The following YY1AP1 variants were observed in gnomAD, a reference collection of about 807,000 sequenced individuals.
The protein encoded by YY1AP1 is YY1 associated protein 1.
Under a neutral mutation model 39.9 loss-of-function variants are expected in YY1AP1, and 43 were observed. The observed-to-expected ratio is 1.08, with a 90% confidence interval of 0.84 to 1.39. The LOEUF is 1.39. Ranked by LOEUF, YY1AP1 falls within the 40% of genes most tolerant of loss-of-function variation. YY1AP1 has a pLI of 0.00. For synonymous variants in YY1AP1, 292 were observed against 331.3 expected (o/e 0.88, Z 1.29); for missense variants, 813 against 900.7 (o/e 0.90, Z 1.25).
At chr1:155,668,869 C>G (rs2149039802) in intron 8 of YY1AP1, 92 bp from the exon 9 acceptor site, 1 of 1,577,688 alleles carries the variant, frequency 6.3e-7, no homozygotes. Context: ...TCTACTTTTT[C>G]TTACTTGTTC....
chr1:155,672,061 C>A (rs1042682756), intron 7 of YY1AP1, among the ~76,000 whole-genome samples: 1 of 152,174 alleles, frequency 6.6e-6, no homozygotes, highest in Non-Finnish European at 1.5e-5. Flanking sequence ...AAATACTGAA[C>A]ACGGCAAATG....
At position 155,660,774 on chromosome 1, in the gene YY1AP1, C is replaced by T. The variant is rs748756201; in HGVS notation, c.1136G>A (p.Arg379Gln). 6 of 1,614,164 alleles carry T rather than the reference C, an allele frequency of 3.7e-6. No individual in the cohort carries two copies. The highest frequency in any genetic ancestry group is 2.2e-5 in the East Asian group (1 of 44,886). Reference protein sequence around the residue: ...KDNSELGSETRYPLLLPKGVV... With the variant: ...KDNSELGSETQYPLLLPKGVV... ...ACCCTTAGGCAATAGCAGTGGGTACCGAGTTTCACTCCCCAACTCTGAGTT... is the reference window on the plus strand; with the variant it reads ...ACCCTTAGGCAATAGCAGTGGGTACTGAGTTTCACTCCCCAACTCTGAGTT... Residue 379 changes from arginine to glutamine, a missense_variant, in exon 11 of 11, where the codon CGG becomes CAG. Transcript: ENST00000355499.
At chr1:155,685,023 A>T (rs1652026880) in intron 2 of YY1AP1, among the ~76,000 whole-genome samples, 1 of 152,210 alleles carries the variant, frequency 6.6e-6, no homozygotes, top group Non-Finnish European at 1.5e-5. Flanking sequence ...TGACATTAAG[A>T]CCTTTTTACA....
intron 2 of YY1AP1, among the ~76,000 whole-genome samples, chr1:155,686,822 C>T (rs1007523512): frequency 3.3e-5 from 5 of 152,098 alleles, no homozygotes; most frequent in African/African-American, 1.2e-4. Context: ...GTTCCACATA[C>T]ATATCTGACA....
intron 10 of YY1AP1, 142 bp from the exon 11 acceptor site, chr1:155,661,055 G>C: frequency 6.7e-7 from 1 of 1,497,030 alleles, no homozygotes; most frequent in East Asian, 2.4e-5. Context: ...AAAGACCACA[G>C]TCCAATTATA....
chr1:155,685,963 T>A (rs143668979), intron 2 of YY1AP1, among the ~76,000 whole-genome samples: 71 of 151,958 alleles, frequency 4.7e-4, no homozygotes, highest in African/African-American at 1.2e-3. Context: ...TTGGCTTAGT[T>A]CATGCATTCT....
chr1:155,670,484 T>G lies in YY1AP1; in HGVS notation c.584-20A>C, dbSNP rs896043335. On this transcript the variant is annotated intron_variant, in intron 7 of 10. Transcript: ENST00000355499. ...CATTGGCTATAAGAAAATAAATCTC[T>G]GATAAATCAACTTCTAGGAAAAAAG... 15 of 1,613,010 alleles carry G rather than the reference T, an allele frequency of 9.3e-6. No individual in the cohort carries two copies. Among genetic ancestry groups the G allele is most frequent in the Middle Eastern group, 1.6e-4 (1 of 6,082 alleles).
Position 155,660,909 on chromosome 1 carries a change from C to A in YY1AP1, c.1001G>T (p.Ser334Ile), listed in dbSNP as rs778268935. ...EHRLPFWLKASLPSIQEELRH... is the reference protein window; with the variant it reads ...EHRLPFWLKAILPSIQEELRH... ...CAGTTCTTCCTGGATGGATGGCAGA[C>A]TGGCCTATTGGAAATGAGAACACTC... Residue 334 changes from serine (S) to isoleucine (I), a missense_variant, in exon 11 of 11, where the codon AGT (serine) becomes ATT (isoleucine). Physicochemically the swap from Ser to Ile is moderately radical, Grantham distance 142. Around this residue, in one of 3 missense-constraint regions of YY1AP1, gnomAD observed 586 missense variants for 647.4 expected, o/e 0.91. Coordinates refer to ENST00000355499, the MANE Select transcript of YY1AP1 (RefSeq NM_139119.3). 4.3e-6 allele frequency: 7 copies of A among 1,614,042 alleles called. No homozygotes were observed. Among genetic ancestry groups the A allele is most frequent in the African/African-American group, 1.3e-5 (1 of 74,918 alleles).
In YY1AP1 at chr1:155,672,572, C is replaced by G. The variant is rs765344127; in HGVS notation, c.571G>C (p.Val191Leu). The change falls in exon 7 of 11, where the codon GTC becomes CTC. Residue 191 changes from valine to leucine, a missense_variant. Around this residue, in one of 3 missense-constraint regions of YY1AP1, gnomAD observed 31 missense variants for 63.7 expected, o/e 0.49. Transcript: ENST00000355499. ...VSIDCSPHKT[V>L]KKTANEFPCL... ...ATCTGTCTCCTACCAGTCTTCTTGA[C>G]AGTTTTATGAGGGCTGCAGTCAATG... is the stretch of plus-strand genomic sequence containing the variant. 6.2e-7 allele frequency: 1 copy of G among 1,611,902 alleles called. No individual in the cohort carries two copies. The highest frequency in any genetic ancestry group is 1.7e-5 in the Admixed American group (1 of 59,736).
chr1:155,669,690 T>G (rs1311312204), intron 8 of YY1AP1, among the ~76,000 whole-genome samples: 3 of 152,190 alleles, frequency 2.0e-5, no homozygotes. Context: ...ATATACATAT[T>G]TGCTGTTAAC....
At position 155,680,432 on chromosome 1, in the gene YY1AP1, T is replaced by TC; in HGVS notation, c.4dup (p.Glu2GlyfsTer5). 3 of 1,613,644 alleles carry TC rather than the reference T, an allele frequency of 1.9e-6. No homozygotes were observed. The highest frequency in any genetic ancestry group is 2.5e-6 in the Non-Finnish European group (3 of 1,179,712). ...ATTACTCACAGTTTCAAACAGATCT[T>TC]CCATCAGCTCATTTGCTTCCTTTTC... On this transcript the variant is annotated frameshift_variant, in exon 3 of 11. Coordinates refer to ENST00000355499, the MANE Select transcript of YY1AP1 (RefSeq NM_139119.3). LOFTEE classifies it high-confidence loss of function.
At chr1:155,688,394 A>T (rs762595463) in intron 1 of YY1AP1, 193 bp from the exon 2 acceptor site, 1 of 1,540,922 alleles carries the variant, frequency 6.5e-7, no homozygotes, top group Non-Finnish European at 8.8e-7. Flanking sequence ...GCCTAGCGAC[A>T]CCCCCAACCT....
At chr1:155,683,482 C>A (rs1651801265) in intron 2 of YY1AP1, among the ~76,000 whole-genome samples, 1 of 151,882 alleles carries the variant, frequency 6.6e-6, no homozygotes, top group Non-Finnish European at 1.5e-5. Flanking sequence ...ATGGTGAAAC[C>A]CTGTCTCTAC....
intron 9 of YY1AP1, among the ~76,000 whole-genome samples, chr1:155,668,173 C>A (rs919831790): frequency 6.6e-6 from 1 of 151,614 alleles, no homozygotes; most frequent in African/African-American, 2.4e-5. Context: ...GTGGTGGGCA[C>A]GCCTGTAATC....
At chr1:155,667,963 C>T (rs551962702) in intron 9 of YY1AP1, among the ~76,000 whole-genome samples, 50 of 151,938 alleles carry the variant, frequency 3.3e-4, no homozygotes, top group Middle Eastern at 3.4e-3. Context: ...AACACACACA[C>T]ACACACACAC....
chr1:155,680,473 C>CA lies in YY1AP1; in HGVS notation c.-20-18_-20-17insT. The stretch of plus-strand genomic sequence containing the variant: ...CTTCCTTTTCTGCAAAAAAGCCAAA[C>CA]GTTGTTGGTATAAATTAGATTCATT... On this transcript the variant is annotated splice_polypyrimidine_tract_variant and intron_variant, in intron 2 of 10. Transcript: ENST00000355499. 1 of 1,610,310 alleles carries CA rather than the reference C, an allele frequency of 6.2e-7. No homozygotes were observed. The highest frequency in any genetic ancestry group is 8.5e-7 in the Non-Finnish European group (1 of 1,176,916).
In YY1AP1 at chr1:155,659,952, T is replaced by C. The variant is rs760246401; in HGVS notation, c.1958A>G (p.Gln653Arg). ...GGGCTCTAATTTGGGTTCTAGGCCC[T>C]GAAAGGCATTTTCCCCATCAGCCAC... ...CAVADGENAF[Q>R]GLEPKLEPQE... The change falls in exon 11 of 11, where the codon CAG (glutamine) becomes CGG (arginine). Residue 653 changes from glutamine to arginine, a missense_variant. By Grantham distance (43) the Gln-to-Arg change is conservative (BLOSUM62 1). Transcript: ENST00000355499. 2 of 1,614,102 alleles carry C rather than the reference T, an allele frequency of 1.2e-6. No individual in the cohort carries two copies. The highest frequency in any genetic ancestry group is 2.2e-5 in the East Asian group (1 of 44,898).
At chr1:155,680,357 A>T in intron 3 of YY1AP1, 59 bp downstream of exon 3, 1 of 1,595,046 alleles carries the variant, frequency 6.3e-7, no homozygotes. Flanking sequence ...ATCAAAGGAC[A>T]CATTTTGTTG....
In YY1AP1 at chr1:155,668,700, C is replaced by A. The variant is rs756304701; in HGVS notation, c.806G>T (p.Cys269Phe). 5.0e-6 allele frequency: 8 copies of A among 1,614,158 alleles called. No homozygotes were observed. Among genetic ancestry groups the A allele is most frequent in the South Asian group, 1.1e-5 (1 of 91,086 alleles). The change falls in exon 9 of 11, where the codon TGC becomes TTC. Residue 269 changes from cysteine to phenylalanine, a missense_variant. By Grantham distance (205) the Cys-to-Phe change is radical. Around this residue, in one of 3 missense-constraint regions of YY1AP1, gnomAD observed 586 missense variants for 647.4 expected, o/e 0.91. Coordinates refer to ENST00000355499, the MANE Select transcript of YY1AP1 (RefSeq NM_139119.3). ...CACTGTCAGTTGGCGGGCAGTCTTGCAGGTTAGAAGGTACTTGCTGATTAG... is the reference window on the plus strand; with the variant it reads ...CACTGTCAGTTGGCGGGCAGTCTTGAAGGTTAGAAGGTACTTGCTGATTAG... The part of the protein sequence containing the change: ...NPLISKYLLT[C>F]KTARQLTVRI...
Sources: allele counts gnomAD v4.1 joint callset (sites outside exome capture counted in the v4.1 genomes callset), GRCh38; gene constraint gnomAD v4.1.1; regional missense constraint gnomAD v4.1.1; transcripts MANE v1.5; gene names NCBI Gene and HGNC (gene_info 2026-07-23, HGNC 2026-07-21).